The following MITF variants were observed in gnomAD, a reference collection of about 807,000 sequenced individuals.
The protein encoded by MITF is microphthalmia-associated transcription factor.
In MITF, 17 loss-of-function variants were observed where a neutral mutation model predicts 60.5. That is an observed-to-expected ratio of 0.28 (90% CI 0.19 to 0.42). MITF has a LOEUF of 0.42. MITF is among the 10% of genes least tolerant of loss of function. The probability of loss-of-function intolerance (pLI) is 1.00; values close to 1 mark genes in which losing one functional copy is unlikely to be tolerated. For synonymous variants in MITF, 260 were observed against 248.5 expected (o/e 1.05, Z -0.43); for missense variants, 622 against 683.5 (o/e 0.91, Z 1.00).
intron 7 of MITF, among the ~76,000 whole-genome samples, chr3:69,954,364 G>C (rs2107525921): frequency 6.6e-6 from 1 of 152,316 alleles, no homozygotes; most frequent in Non-Finnish European, 1.5e-5. Context: ...ATGGCAGAAA[G>C]TTCCACGTGG....
At chr3:69,919,918 G>A (rs191956139) in intron 2 of MITF, among the ~76,000 whole-genome samples, 4 of 152,134 alleles carry the variant, frequency 2.6e-5, no homozygotes, top group South Asian at 4.2e-4. Flanking sequence ...GCAAGAGACC[G>A]AGGACACCAG....
chr3:69,742,942 A>G (rs1280477594), intron 1 of MITF, among the ~76,000 whole-genome samples: 4 of 152,136 alleles, frequency 2.6e-5, no homozygotes, highest in Non-Finnish European at 5.9e-5. Context: ...AATCTACTGT[A>G]TAATTTTCCA....
chr3:69,920,231 T>A (rs541409162), intron 2 of MITF, among the ~76,000 whole-genome samples: 2 of 152,286 alleles, frequency 1.3e-5, no homozygotes, highest in African/African-American at 4.8e-5. Flanking sequence ...AGATGCCCGT[T>A]GCCAGGCGGA....
At chr3:69,908,411 A>G (rs1448328857) in intron 2 of MITF, among the ~76,000 whole-genome samples, 1 of 152,208 alleles carries the variant, frequency 6.6e-6, no homozygotes, top group African/African-American at 2.4e-5. Context: ...GGAGTTTTCA[A>G]ACTAATATTT....
chr3:69,966,371 TCTCA>T lies in MITF; in HGVS notation c.*1128_*1131del. The T allele has an allele frequency of 4.3e-6, 1 of 233,026 alleles. No homozygotes were observed. The highest frequency in any genetic ancestry group is 8.5e-6 in the Non-Finnish European group (1 of 117,662). The allele number at this position is 233,026 out of a possible 1,614,324, so 14.4% of individuals were successfully genotyped here. On this transcript the variant is annotated 3_prime_UTR_variant, in exon 10 of 10. Coordinates refer to ENST00000352241, the MANE Select transcript of MITF (RefSeq NM_001354604.2). ...TTTGCGAATATTTTGTAAATTACAG[TCTCA>T]CTCAGAACTGTTTTTGGACACATTT...
At chr3:69,932,372 ATTC>A (rs2065743168) in intron 2 of MITF, among the ~76,000 whole-genome samples, 1 of 152,188 alleles carries the variant, frequency 6.6e-6, no homozygotes, top group African/African-American at 2.4e-5. Flanking sequence ...GTCATGAAAT[ATTC>A]TTCTTTTCAT....
chr3:69,763,606 A>G (rs369163293), intron 1 of MITF: 2 of 1,210,384 alleles, frequency 1.7e-6, no homozygotes, highest in Middle Eastern at 2.8e-4. Flanking sequence ...GTGTGGCAGA[A>G]CGTCTGCAAT....
intron 1 of MITF, among the ~76,000 whole-genome samples, chr3:69,850,737 A>G (rs925276277): frequency 6.6e-6 from 1 of 152,210 alleles, no homozygotes; most frequent in African/African-American, 2.4e-5. Context: ...CTGGATAGAC[A>G]GTGGCTCAGG....
chr3:69,796,934 A>G (rs1353447792), intron 1 of MITF, among the ~76,000 whole-genome samples: 1 of 152,196 alleles, frequency 6.6e-6, no homozygotes, highest in Non-Finnish European at 1.5e-5. Context: ...CAGAAGCACC[A>G]AGACCATGTT....
At chr3:69,911,622 G>A (rs1397032037) in intron 2 of MITF, among the ~76,000 whole-genome samples, 2 of 152,140 alleles carry the variant, frequency 1.3e-5, no homozygotes, top group Non-Finnish European at 2.9e-5. Context: ...ACATCAATAA[G>A]AAAACAATGG....
intron 1 of MITF, among the ~76,000 whole-genome samples, chr3:69,813,624 A>G (rs1232292138): frequency 6.6e-6 from 1 of 152,178 alleles, no homozygotes; most frequent in Non-Finnish European, 1.5e-5. Flanking sequence ...CAGCTTTTGT[A>G]TATTTGAGAT....
intron 2 of MITF, among the ~76,000 whole-genome samples, chr3:69,893,293 T>C (rs921015998): frequency 2.6e-5 from 4 of 152,128 alleles, no homozygotes; most frequent in Non-Finnish European, 4.4e-5. Flanking sequence ...CATTTTTCAA[T>C]TAAAATTCAT....
intron 2 of MITF, among the ~76,000 whole-genome samples, chr3:69,919,387 A>C (rs1433109304): frequency 6.6e-6 from 1 of 152,104 alleles, no homozygotes; most frequent in Non-Finnish European, 1.5e-5. Flanking sequence ...TTGTTTTTCT[A>C]AGTGGTTTGC....
chr3:69,813,769 G>A (rs2063137724), intron 1 of MITF, among the ~76,000 whole-genome samples: 2 of 152,150 alleles, frequency 1.3e-5, no homozygotes, highest in South Asian at 4.1e-4. Flanking sequence ...TTTAAAGAGT[G>A]CCTTTTAAAA....
intron 1 of MITF, among the ~76,000 whole-genome samples, chr3:69,870,517 C>T (rs1281317117): frequency 2.0e-5 from 3 of 150,906 alleles, no homozygotes; most frequent in Non-Finnish European, 2.9e-5. Flanking sequence ...TCACTGCAAC[C>T]TTCACCTCCT....
chr3:69,739,544 GC>G lies in MITF; in HGVS notation c.-49del, dbSNP rs2106732198. On this transcript the variant is annotated 5_prime_UTR_variant, in exon 1 of 10. Coordinates refer to ENST00000352241, the MANE Select transcript of MITF (RefSeq NM_001354604.2). Reference sequence around the variant, plus strand: ...ACCCAGGCCCAGCTACCTTCCCTCCGCCCCCGGGCTCTGTTCTCACTTTCCA... The same window carrying G: ...ACCCAGGCCCAGCTACCTTCCCTCCGCCCCGGGCTCTGTTCTCACTTTCCA... 6.7e-7 allele frequency: 1 copy of G among 1,488,050 alleles called. No homozygotes were observed. Among genetic ancestry groups the G allele is most frequent in the Non-Finnish European group, 9.2e-7 (1 of 1,089,306 alleles). The allele number at this position is 1,488,050 out of a possible 1,614,324, so 92.2% of individuals were successfully genotyped here. A position where few individuals can be genotyped will look rare whatever the true frequency, so the allele number is the denominator to read the frequency against.
At chr3:69,927,355 A>G (rs973814690) in intron 2 of MITF, among the ~76,000 whole-genome samples, 4 of 152,000 alleles carry the variant, frequency 2.6e-5, no homozygotes, top group Non-Finnish European at 5.9e-5. Flanking sequence ...AACATCACAC[A>G]CCGGAGCCTG....
intron 1 of MITF, among the ~76,000 whole-genome samples, chr3:69,810,003 G>A (rs2063075300): frequency 6.6e-6 from 1 of 152,112 alleles, no homozygotes; most frequent in Non-Finnish European, 1.5e-5. Context: ...CTTGAGTTGA[G>A]GTGAGGAAGG....
intron 1 of MITF, among the ~76,000 whole-genome samples, chr3:69,862,344 A>G (rs1392310821): frequency 6.6e-6 from 1 of 152,166 alleles, no homozygotes; most frequent in African/African-American, 2.4e-5. Context: ...GACCAAGTAG[A>G]TGCTTCTTAA....
Sources: gnomAD v4.1 joint callset for allele counts (sites outside exome capture counted in the v4.1 genomes callset) on GRCh38, gnomAD v4.1.1 for gene constraint, MANE v1.5 for transcripts, NCBI Gene and HGNC (gene_info 2026-07-23, HGNC 2026-07-21) for gene names.